PDE4C: variants seen among roughly 807,000 people sequenced by gnomAD.
PDE4C encodes phosphodiesterase 4C, also known as 3',5'-cyclic-AMP phosphodiesterase 4C.
PDE4C carries 50 observed loss-of-function variants against 63.9 expected under a neutral mutation model. The ratio of observed to expected loss-of-function variants is 0.78; its 90% confidence interval spans 0.62 to 0.99. The LOEUF is 0.99. Among genes scored for constraint, PDE4C ranks in the 50% least tolerant of loss-of-function variants. The probability of loss-of-function intolerance (pLI) is 0.00; values close to 1 mark genes in which losing one functional copy is unlikely to be tolerated. For missense variants in PDE4C, 777 were observed against 899.1 expected (o/e 0.86, Z 1.74); for synonymous variants, 377 against 385.1 (o/e 0.98, Z 0.25).
At chr19:18,250,598 G>A (rs1056156270), upstream of PDE4C, 13 of 396,344 alleles carry the variant, frequency 3.3e-5, no homozygotes, top group Admixed American at 1.8e-4. Flanking sequence ...TCCAGTTGAG[G>A]CTGCCACTTT....
Position 18,213,717 on chromosome 19 carries a change from T to C in PDE4C, c.1390-227A>G, listed in dbSNP as rs117229635. ...ATCTGGGTTGGCCATGAATTCCACA[T>C]GTGTGACAGGGTGTAGTGGGGAGGT... On this transcript the variant is annotated intron_variant, in intron 12 of 14. Coordinates refer to ENST00000262805, the Ensembl canonical transcript of PDE4C. Among the ~76,000 whole-genome samples the C allele has an allele frequency of 5.7e-3, 868 of 152,312 alleles. 12 individuals carry two copies. The highest frequency in any genetic ancestry group is 5.8e-3 in the Non-Finnish European group (392 of 68,024).
chr19:18,254,149 C>T, the PDE4C span, among the ~76,000 whole-genome samples: 4 of 152,162 alleles, frequency 2.6e-5, no homozygotes, highest in Non-Finnish European at 4.4e-5. Flanking sequence ...AGATGAGAAA[C>T]TGAGGCTCAG....
chr19:18,253,811 C>T, the PDE4C span, among the ~76,000 whole-genome samples: 19 of 152,238 alleles, frequency 1.2e-4, no homozygotes, highest in Admixed American at 1.2e-3. Flanking sequence ...AGGGACCAGG[C>T]TGAGGGCAGG....
At chr19:18,232,713 CTCTT>C (rs1048337141) in intron 1 of PDE4C, among the ~76,000 whole-genome samples, 1 of 149,860 alleles carries the variant, frequency 6.7e-6, no homozygotes, top group Non-Finnish European at 1.5e-5. Context: ...CACACACACA[CTCTT>C]TCAGTCCCAA....
chr19:18,243,317 A>G (rs1969076186), intron 1 of PDE4C, among the ~76,000 whole-genome samples: 1 of 152,126 alleles, frequency 6.6e-6, no homozygotes, highest in Admixed American at 6.6e-5. Flanking sequence ...CATGTTGGCC[A>G]GGCTGGTCTC....
At chr19:18,213,626 G>T in intron 12 of PDE4C, 136 bp from the exon 13 acceptor site, 1 of 1,000,862 alleles carries the variant, frequency 1.0e-6, no homozygotes, top group Non-Finnish European at 1.4e-6. Flanking sequence ...ATGGAAGGAT[G>T]CAACTGCATT....
chr19:18,236,167 T>C (rs980694914), upstream of PDE4C, among the ~76,000 whole-genome samples: 2 of 151,816 alleles, frequency 1.3e-5, no homozygotes, highest in African/African-American at 4.8e-5. Flanking sequence ...ATGGTCTCGA[T>C]CTCCTGACCT....
upstream of PDE4C, among the ~76,000 whole-genome samples, chr19:18,237,885 A>G (rs1476309901): frequency 1.3e-5 from 2 of 151,568 alleles, no homozygotes; most frequent in Admixed American, 6.6e-5. Context: ...AAAAAAAAAA[A>G]AAAAAAAAGT....
chr19:18,226,302 C>T (rs1430917037), exon 1 of PDE4C: 1 of 1,570,230 alleles, frequency 6.4e-7, no homozygotes, highest in East Asian at 2.4e-5. Flanking sequence ...AGCGCCGCTG[C>T]AGGCGGATGC....
At chr19:18,244,608 G>A (rs1445070059) in intron 1 of PDE4C, among the ~76,000 whole-genome samples, 1 of 152,016 alleles carries the variant, frequency 6.6e-6, no homozygotes, top group Non-Finnish European at 1.5e-5. Context: ...CGCCTCCTGG[G>A]TTCAAGCGAT....
chr19:18,238,956 A>C (rs1600101495), intron 1 of PDE4C, among the ~76,000 whole-genome samples: 1 of 151,558 alleles, frequency 6.6e-6, no homozygotes, highest in Non-Finnish European at 1.5e-5. Context: ...ACACCACTGC[A>C]CTCCAGCCTG....
At position 18,220,401 on chromosome 19, in the gene PDE4C, A is replaced by G. The variant is rs757213060; in HGVS notation, c.612+2T>C. On this transcript the variant is annotated splice_donor_variant, in intron 6 of 14. Coordinates refer to ENST00000262805, the Ensembl canonical transcript of PDE4C. LOFTEE classifies it high-confidence loss of function. The surrounding 1 kb of genome is among the most constrained non-coding windows in gnomAD (Gnocchi z 5.1). ...TGAGCTCAGCGATCTGCCCCACCTCACCTTGTTGGAGGCCATCTCCCCCAC... is the reference window on the plus strand; with the variant it reads ...TGAGCTCAGCGATCTGCCCCACCTCGCCTTGTTGGAGGCCATCTCCCCCAC... 1 of 1,613,642 alleles carries G rather than the reference A, an allele frequency of 6.2e-7. No homozygotes were observed. Among genetic ancestry groups the G allele is most frequent in the Non-Finnish European group, 8.5e-7 (1 of 1,179,766 alleles).
rs1968538820 is a variant in PDE4C, at chr19:18,222,657, T to TCTC, written c.147-335_147-334insGAG. ...CTTTTTTTTTTTTCTTTCTCGTTCT[T>TCTC]TCTCTCTCTCTCTCTCTCTCTCTCT... On this transcript the variant is annotated intron_variant, in intron 1 of 14. Transcript: ENST00000262805. Among the ~76,000 whole-genome samples the TCTC allele has an allele frequency of 3.6e-4, 30 of 82,432 alleles. No homozygotes were observed. In the East Asian group the frequency reaches 0.011, roughly 31 times the overall value. 54.1% of individuals were successfully genotyped at this position (82,432 alleles called of 152,430 possible).
chr19:18,232,957 A>T lies in PDE4C; in HGVS notation c.235T>A (p.Cys79Ser), dbSNP rs542653053. The T allele has an allele frequency of 7.5e-5, 109 of 1,453,788 alleles. 1 individual carries two copies. In the African/African-American group the frequency reaches 1.5e-3, roughly 19 times the overall value. The allele number at this position is 1,453,788 out of a possible 1,614,324, so 90.1% of individuals were successfully genotyped here. Residue 79 changes from cysteine (C) to serine (S), a missense_variant, in exon 1 of 15, where the codon TGC becomes AGC. Physicochemically the swap from Cys to Ser is moderately radical, Grantham distance 112 (BLOSUM62 -1). Coordinates refer to the PDE4C transcript ENST00000594465. ...CCTGCCCCGGCCACCTACCGCCTGCAGGAGGAAACGGGCCAGGAGAGCCGC... is the reference window on the plus strand; with the variant it reads ...CCTGCCCCGGCCACCTACCGCCTGCTGGAGGAAACGGGCCAGGAGAGCCGC...
upstream of PDE4C, chr19:18,248,346 G>A (rs74743200): frequency 5.7e-3 from 2,231 of 390,056 alleles, 52 homozygotes; most frequent in African/African-American, 0.043. Flanking sequence ...CTTGGGTGAG[G>A]CTCCCAGTGG....
chr19:18,238,816 C>A (rs552071194), intron 1 of PDE4C, among the ~76,000 whole-genome samples: 1 of 151,964 alleles, frequency 6.6e-6, no homozygotes, highest in East Asian at 1.9e-4. Context: ...CATAGGGAAA[C>A]CCCATCTCTA....
upstream of PDE4C, among the ~76,000 whole-genome samples, chr19:18,249,027 T>TTA (rs1259436065): frequency 1.1e-5 from 1 of 89,894 alleles, no homozygotes; most frequent in Non-Finnish European, 2.2e-5. Flanking sequence ...CTCCATCTTA[T>TTA]TAAAAAAAAA....
chr19:18,234,702 C>T (rs1968920970), upstream of PDE4C, among the ~76,000 whole-genome samples: 1 of 152,158 alleles, frequency 6.6e-6, no homozygotes, highest in African/African-American at 2.4e-5. Context: ...GTCTCAGAAG[C>T]ACTCAACAAG....
At position 18,221,317 on chromosome 19, in the gene PDE4C, C is replaced by T; in HGVS notation, c.339-20G>A. The T allele has an allele frequency of 6.5e-7, 1 of 1,538,558 alleles. No homozygotes were observed. The highest frequency in any genetic ancestry group is 8.7e-7 in the Non-Finnish European group (1 of 1,143,794). On this transcript the variant is annotated intron_variant, in intron 2 of 14. Coordinates refer to ENST00000262805, the Ensembl canonical transcript of PDE4C. ...CCATGTCTGCGAGGAGACGGGCCAT[C>T]AGGGAGAGCTCTCTCCCATCTTCCA...
Sources: gnomAD v4.1 joint callset for allele counts (sites outside exome capture counted in the v4.1 genomes callset) on GRCh38, gnomAD v4.1.1 for gene constraint, Gnocchi (gnomAD v3.1) non-coding constraint, MANE v1.5 for transcripts, NCBI Gene and HGNC (gene_info 2026-07-23, HGNC 2026-07-21) for gene names.